The following TUSC3 variants were observed in gnomAD, a reference collection of about 807,000 sequenced individuals.
TUSC3 encodes dolichyl-diphosphooligosaccharide--protein glycosyltransferase subunit TUSC3.
TUSC3 carries 45 observed loss-of-function variants against 44.8 expected under a neutral mutation model. The observed-to-expected ratio is 1.00, with a 90% CI of 0.79 to 1.29. TUSC3 has a LOEUF of 1.29. TUSC3 is among the 50% of genes most tolerant of loss of function. The pLI, the probability that TUSC3 is intolerant of heterozygous loss-of-function variation, is 0.00. For missense variants in TUSC3, 519 were observed against 437.9 expected (o/e 1.19, Z -1.65); for synonymous variants, 212 against 152.9 (o/e 1.39, Z -2.85).
intron 1 of TUSC3, among the ~76,000 whole-genome samples, chr8:15,588,630 C>G (rs1234178074): frequency 6.6e-6 from 1 of 152,046 alleles, no homozygotes; most frequent in Admixed American, 6.6e-5. Context: ...AATCTTTGCT[C>G]AGAACAAAGT....
intron 1 of TUSC3, among the ~76,000 whole-genome samples, chr8:15,442,370 G>C (rs1800032209): frequency 6.6e-6 from 1 of 151,922 alleles, no homozygotes; most frequent in Non-Finnish European, 1.5e-5. Context: ...ATAAATAATA[G>C]GAAAGAATAA....
chr8:15,719,514 CACCACACA>C (rs1405332083), intron 6 of TUSC3, among the ~76,000 whole-genome samples: 5,257 of 134,336 alleles, frequency 0.039, 130 homozygotes, highest in African/African-American at 0.094. Flanking sequence ...CACACACACA[CACCACACA>C]CACACACACA....
the TUSC3 span, among the ~76,000 whole-genome samples, chr8:15,782,801 C>A: frequency 1.6e-4 from 24 of 152,082 alleles, no homozygotes; most frequent in Non-Finnish European, 2.9e-4. Flanking sequence ...AAGTTCAAAG[C>A]TTTTTCTCTA....
intron 1 of TUSC3, among the ~76,000 whole-genome samples, chr8:15,613,596 T>G (rs868379869): frequency 6.6e-6 from 1 of 152,152 alleles, no homozygotes; most frequent in African/African-American, 2.4e-5. Flanking sequence ...CTGCCATGAT[T>G]GTGAGGCCTC....
intron 1 of TUSC3, among the ~76,000 whole-genome samples, chr8:15,444,710 G>A (rs892474222): frequency 6.6e-6 from 1 of 152,162 alleles, no homozygotes; most frequent in Non-Finnish European, 1.5e-5. Flanking sequence ...ATCTTTGTCA[G>A]TATCTCCCAA....
chr8:15,433,585 C>T (rs999524127), intron 1 of TUSC3, among the ~76,000 whole-genome samples: 7 of 151,608 alleles, frequency 4.6e-5, no homozygotes, highest in South Asian at 2.1e-4. Flanking sequence ...CACACATACA[C>T]ACACCACCAC....
chr8:15,456,863 G>A (rs1800263362), intron 1 of TUSC3, among the ~76,000 whole-genome samples: 1 of 152,028 alleles, frequency 6.6e-6, no homozygotes, highest in Non-Finnish European at 1.5e-5. Flanking sequence ...TCTTGTAATA[G>A]AGAACTATTT....
chr8:15,420,808 C>G (rs1203743870), intron 1 of TUSC3, among the ~76,000 whole-genome samples: 2 of 152,086 alleles, frequency 1.3e-5, no homozygotes, highest in African/African-American at 4.8e-5. Context: ...ACCCCACGCT[C>G]CTTTGTCTTA....
chr8:15,420,813 G>C (rs1051061205), intron 1 of TUSC3, among the ~76,000 whole-genome samples: 1 of 151,976 alleles, frequency 6.6e-6, no homozygotes, highest in African/African-American at 2.4e-5. Context: ...ACGCTCCTTT[G>C]TCTTAGCTCA....
At chr8:15,676,976 A>C (rs932125670) in intron 6 of TUSC3, among the ~76,000 whole-genome samples, 2 of 152,158 alleles carry the variant, frequency 1.3e-5, no homozygotes, top group African/African-American at 4.8e-5. Context: ...ATATATTGAA[A>C]GTCATCAGTA....
At chr8:15,810,868 C>T in the TUSC3 span, among the ~76,000 whole-genome samples, 3 of 152,002 alleles carry the variant, frequency 2.0e-5, no homozygotes, top group Non-Finnish European at 4.4e-5. Flanking sequence ...CAACATTTAC[C>T]AGTATATACA....
At chr8:15,681,921 C>A (rs1331276627) in intron 6 of TUSC3, among the ~76,000 whole-genome samples, 1 of 151,894 alleles carries the variant, frequency 6.6e-6, no homozygotes, top group East Asian at 1.9e-4. Flanking sequence ...TGCTATTTAC[C>A]CAAAAATCAT....
At chr8:15,564,494 T>C (rs2129141166) in intron 1 of TUSC3, among the ~76,000 whole-genome samples, 1 of 152,288 alleles carries the variant, frequency 6.6e-6, no homozygotes, top group Admixed American at 6.5e-5. Flanking sequence ...TGTTTGTGAA[T>C]ATGTGCAGTG....
chr8:15,504,065 C>G (rs1400911606), intron 2 of TUSC3, among the ~76,000 whole-genome samples: 1 of 151,536 alleles, frequency 6.6e-6, no homozygotes, highest in South Asian at 2.1e-4. Flanking sequence ...GTTTATTTAT[C>G]CTATCCACTG....
intron 2 of TUSC3, among the ~76,000 whole-genome samples, chr8:15,641,598 G>GTTAT (rs1197924810): frequency 6.6e-6 from 1 of 152,104 alleles, no homozygotes; most frequent in Admixed American, 6.6e-5. Context: ...TAGAGACTTC[G>GTTAT]TTATGCCTCA....
At chr8:15,460,401 G>T (rs76803638) in intron 1 of TUSC3, among the ~76,000 whole-genome samples, 7,466 of 151,776 alleles carry the variant, frequency 0.049, 248 homozygotes, top group South Asian at 0.1. Context: ...TTTTTTTATC[G>T]CTGATTTAAG....
chr8:15,784,121 G>A, the TUSC3 span, among the ~76,000 whole-genome samples: 1 of 152,072 alleles, frequency 6.6e-6, no homozygotes. Context: ...AATAATCATG[G>A]ATGTACAAAT....
the TUSC3 span, among the ~76,000 whole-genome samples, chr8:15,849,777 G>A: frequency 6.7e-6 from 1 of 150,356 alleles, no homozygotes; most frequent in African/African-American, 2.4e-5. Context: ...GAACTGTTCC[G>A]ATTTTATGGC....
At chr8:15,630,446 A>G (rs1391071371) in intron 2 of TUSC3, among the ~76,000 whole-genome samples, 2 of 146,146 alleles carry the variant, frequency 1.4e-5, no homozygotes, top group Admixed American at 1.4e-4. Flanking sequence ...AGTCCTTTAT[A>G]TATACAGTAT....
Sources: gnomAD v4.1 joint callset for allele counts (sites outside exome capture counted in the v4.1 genomes callset) on GRCh38, gnomAD v4.1.1 for gene constraint, MANE v1.5 for transcripts, NCBI Gene and HGNC (gene_info 2026-07-23, HGNC 2026-07-21) for gene names.